The following PLCL2 variants were observed in gnomAD, a reference collection of about 807,000 sequenced individuals.
The protein encoded by PLCL2 is inactive phospholipase C-like protein 2.
A neutral mutation model predicts 79.6 loss-of-function variants in PLCL2; 4 were observed. The observed-to-expected ratio is 0.05, with a 90% CI of 0.02 to 0.11. The LOEUF (loss-of-function observed/expected upper bound fraction) is 0.11. Ranked by LOEUF, PLCL2 falls within the 10% of genes least tolerant of loss-of-function variation. PLCL2 has a pLI of 1.00. For synonymous variants in PLCL2, 484 were observed against 457.7 expected (o/e 1.06, Z -0.73); for missense variants, 895 against 1,291.0 (o/e 0.69, Z 4.70).
At chr3:16,981,980 T>C (rs2064003646) in intron 1 of PLCL2, among the ~76,000 whole-genome samples, 1 of 152,256 alleles carries the variant, frequency 6.6e-6, no homozygotes, top group African/African-American at 2.4e-5. Context: ...GCTGTGACCA[T>C]AGGCCTCTTC....
At chr3:16,929,087 C>T (rs369204456) in intron 1 of PLCL2, among the ~76,000 whole-genome samples, 3 of 112,740 alleles carry the variant, frequency 2.7e-5, no homozygotes, top group Non-Finnish European at 6.0e-5. Flanking sequence ...ACAGCCGCAG[C>T]ATAGAGAAGA....
At chr3:16,982,960 T>C (rs2064015380) in intron 1 of PLCL2, among the ~76,000 whole-genome samples, 1 of 152,230 alleles carries the variant, frequency 6.6e-6, no homozygotes, top group Admixed American at 6.5e-5. Context: ...TAAATACTAA[T>C]CTGTTATCTA....
In PLCL2 at chr3:17,010,727, C is replaced by G. The variant is rs751327515; in HGVS notation, c.1381C>G (p.Arg461Gly). ...RGPSDITGYIRALKMGCRSVE... is the reference protein window; with the variant it reads ...RGPSDITGYIGALKMGCRSVE... ...TCCCTCCGACATCACAGGATATATT[C>G]GAGCTCTTAAAATGGGTTGCCGGAG... Residue 461 changes from arginine (R) to glycine (G), a missense_variant, in exon 2 of 6, where the codon CGA becomes GGA. Physicochemically the swap from Arg to Gly is moderately radical, Grantham distance 125 (BLOSUM62 -2). This residue lies in a region of PLCL2 where 242 missense variants were observed against 399.5 expected (regional missense o/e 0.61). Coordinates refer to ENST00000615277, the MANE Select transcript of PLCL2 (RefSeq NM_001144382.2). This position sits in a 1 kb window ranked among gnomAD's most constrained non-coding sequence, Gnocchi z 5.8. The G allele has an allele frequency of 2.5e-6, 4 of 1,614,050 alleles. No individual in the cohort carries two copies. Among genetic ancestry groups the G allele is most frequent in the South Asian group, 1.1e-5 (1 of 91,060 alleles).
intron 1 of PLCL2, among the ~76,000 whole-genome samples, chr3:16,926,403 G>A (rs540160535): frequency 1.3e-5 from 2 of 152,182 alleles, no homozygotes; most frequent in Non-Finnish European, 2.9e-5. Flanking sequence ...ACCTCTAGAT[G>A]TTCCTGTATT....
In PLCL2 at chr3:17,059,450, G is replaced by GTGTATATATATACACACT. The variant is rs1553649924; in HGVS notation, c.3095-8495_3095-8494insACACACTTGTATATATAT. 7.5e-5 allele frequency among the ~76,000 whole-genome samples: 11 copies of GTGTATATATATACACACT among 147,190 alleles called. 1 individual carries two copies. Among genetic ancestry groups the GTGTATATATATACACACT allele is most frequent in the Admixed American group, 6.7e-4 (10 of 14,830 alleles). ...TGTGTGTATATATATATGTGTGTGT[G>GTGTATATATATACACACT]TGTATATATATGTGTATATGTATTT... On this transcript the variant is annotated intron_variant, in intron 4 of 5. Coordinates refer to ENST00000615277, the MANE Select transcript of PLCL2 (RefSeq NM_001144382.2).
At chr3:17,014,176 C>G (rs1240243791) in intron 2 of PLCL2, among the ~76,000 whole-genome samples, 3 of 152,156 alleles carry the variant, frequency 2.0e-5, no homozygotes, top group Non-Finnish European at 2.9e-5. Context: ...AAGGTCCCTG[C>G]TGGGCAGACT....
At chr3:17,014,293 G>A (rs962514324) in intron 2 of PLCL2, among the ~76,000 whole-genome samples, 1 of 152,118 alleles carries the variant, frequency 6.6e-6, no homozygotes, top group South Asian at 2.1e-4. Flanking sequence ...TTTCCCTTTT[G>A]TATGGCTGGC....
intron 5 of PLCL2, among the ~76,000 whole-genome samples, chr3:17,084,588 A>G (rs969885435): frequency 6.6e-6 from 1 of 152,222 alleles, no homozygotes; most frequent in Non-Finnish European, 1.5e-5. Context: ...CCATGATCAA[A>G]TGGGATTTAT....
chr3:17,044,515 G>T (rs2124922440), intron 4 of PLCL2, among the ~76,000 whole-genome samples: 1 of 152,200 alleles, frequency 6.6e-6, no homozygotes, highest in South Asian at 2.1e-4. Context: ...TTCAGTTATT[G>T]TGTATTTTAT....
chr3:16,934,965 C>T (rs1697505340), intron 1 of PLCL2, among the ~76,000 whole-genome samples: 1 of 152,148 alleles, frequency 6.6e-6, no homozygotes, highest in Non-Finnish European at 1.5e-5. Flanking sequence ...CTTGCTGAGT[C>T]AAAGGAAAGA....
intron 1 of PLCL2, among the ~76,000 whole-genome samples, chr3:16,984,660 C>T (rs954815718): frequency 2.0e-5 from 3 of 152,072 alleles, no homozygotes; most frequent in African/African-American, 7.2e-5. Context: ...TGGCCAGGTG[C>T]GCTGGCTCAC....
chr3:16,979,773 A>G (rs574529823), intron 1 of PLCL2, among the ~76,000 whole-genome samples: 7 of 148,064 alleles, frequency 4.7e-5, no homozygotes, highest in Admixed American at 4.0e-4. Context: ...CGATTTCTCA[A>G]TCTTTTCCCC....
chr3:16,988,125 TA>T (rs1489019430), intron 1 of PLCL2, among the ~76,000 whole-genome samples: 2 of 152,112 alleles, frequency 1.3e-5, no homozygotes, highest in African/African-American at 2.4e-5. Context: ...TTGCTAAAAG[TA>T]AAAAGGTCGT....
chr3:16,920,015 C>G (rs1175459853), intron 1 of PLCL2, among the ~76,000 whole-genome samples: 2 of 152,088 alleles, frequency 1.3e-5, no homozygotes, highest in Non-Finnish European at 2.9e-5. Flanking sequence ...CTTGTCAACC[C>G]CAATTTTATT....
chr3:16,931,391 A>G (rs541347666), intron 1 of PLCL2, among the ~76,000 whole-genome samples: 1 of 152,264 alleles, frequency 6.6e-6, no homozygotes, highest in South Asian at 2.1e-4. Flanking sequence ...ATTTGATCTC[A>G]TTTTAGTCTT....
At chr3:16,926,851 G>A (rs966376751) in intron 1 of PLCL2, among the ~76,000 whole-genome samples, 37 of 151,848 alleles carry the variant, frequency 2.4e-4, no homozygotes, top group African/African-American at 8.0e-4. Context: ...GGATGGTCTC[G>A]GTCTCCTGAC....
chr3:17,043,007 C>A, intron 4 of PLCL2, 58 bp downstream of exon 4: 3 of 1,112,584 alleles, frequency 2.7e-6, no homozygotes, highest in South Asian at 2.6e-5. Context: ...TATACTTTGC[C>A]CCAAAACTAT....
chr3:17,018,226 C>A (rs555733482), intron 3 of PLCL2, among the ~76,000 whole-genome samples: 2 of 152,078 alleles, frequency 1.3e-5, no homozygotes, highest in African/African-American at 4.8e-5. Flanking sequence ...ACACAGATGA[C>A]CCTTCTTCCT....
chr3:17,080,268 A>T (rs921365302), intron 5 of PLCL2, among the ~76,000 whole-genome samples: 3 of 152,096 alleles, frequency 2.0e-5, no homozygotes, highest in Non-Finnish European at 4.4e-5. Context: ...GTCTTTTTTC[A>T]ACCGTAAGGT....
Sources: gnomAD v4.1 joint callset for allele counts (sites outside exome capture counted in the v4.1 genomes callset) on GRCh38, gnomAD v4.1.1 for gene constraint, gnomAD v4.1.1 regional missense constraint, Gnocchi (gnomAD v3.1) non-coding constraint, MANE v1.5 for transcripts, NCBI Gene and HGNC (gene_info 2026-07-23, HGNC 2026-07-21) for gene names.